The following GRAMD2B variants were observed in gnomAD, a reference collection of about 807,000 sequenced individuals.
GRAMD2B encodes the protein GRAM domain containing 2B, also known as GRAM domain-containing protein 2B.
A neutral mutation model predicts 59.2 loss-of-function variants in GRAMD2B; 41 were observed. The ratio of observed to expected loss-of-function variants is 0.69; its 90% CI spans 0.54 to 0.90. The LOEUF is 0.90. Ranked by LOEUF, GRAMD2B falls within the 40% of genes least tolerant of loss-of-function variation. GRAMD2B has a pLI of 0.00. For synonymous variants in GRAMD2B, 161 were observed against 182.7 expected (o/e 0.88, Z 0.96); for missense variants, 424 against 500.5 (o/e 0.85, Z 1.46).
intron 1 of GRAMD2B, chr5:126,434,082 G>A (rs578229355): frequency 1.3e-5 from 2 of 152,222 alleles, no homozygotes; most frequent in African/African-American, 4.8e-5. Context: ...TTTTTTATCA[G>A]AAACAAGATG....
intron 1 of GRAMD2B, among the ~76,000 whole-genome samples, chr5:126,437,315 G>C (rs1762570901): frequency 6.6e-6 from 1 of 152,218 alleles, no homozygotes. Flanking sequence ...TGACGGAATG[G>C]ATTGACAGAG....
At chr5:126,361,727 A>C (rs980071589) in intron 1 of GRAMD2B, among the ~76,000 whole-genome samples, 2 of 152,132 alleles carry the variant, frequency 1.3e-5, no homozygotes, top group African/African-American at 4.8e-5. Flanking sequence ...ACCTCACGCT[A>C]TAGAGTTTTC....
At chr5:126,412,807 AG>A (rs1758932469) in intron 1 of GRAMD2B, among the ~76,000 whole-genome samples, 1 of 152,082 alleles carries the variant, frequency 6.6e-6, no homozygotes, top group Non-Finnish European at 1.5e-5. Flanking sequence ...TGGTCTATTC[AG>A]GGTTTCAATT....
At chr5:126,400,359 T>C (rs1757715532) in intron 1 of GRAMD2B, among the ~76,000 whole-genome samples, 1 of 152,148 alleles carries the variant, frequency 6.6e-6, no homozygotes, top group Admixed American at 6.6e-5. Context: ...TTCTCACACA[T>C]ACAGTTTATG....
intron 13 of GRAMD2B, among the ~76,000 whole-genome samples, chr5:126,490,926 G>C (rs1366438727): frequency 6.6e-6 from 1 of 152,184 alleles, no homozygotes; most frequent in Non-Finnish European, 1.5e-5. Context: ...TGGTTGACTA[G>C]TTGGCAAATC....
At chr5:126,368,389 A>G (rs944336857), upstream of GRAMD2B, among the ~76,000 whole-genome samples, 8 of 152,362 alleles carry the variant, frequency 5.3e-5, no homozygotes, top group East Asian at 1.5e-3. Context: ...AGCTGTCAGA[A>G]TTCACATTTT....
chr5:126,391,201 C>T (rs140599447), intron 1 of GRAMD2B, among the ~76,000 whole-genome samples: 13 of 151,244 alleles, frequency 8.6e-5, no homozygotes, highest in South Asian at 2.1e-4. Context: ...ATGAGCCAGG[C>T]GTAATGGCAC....
chr5:126,394,562 A>G (rs537140911), intron 1 of GRAMD2B, among the ~76,000 whole-genome samples: 3 of 152,184 alleles, frequency 2.0e-5, no homozygotes, highest in Non-Finnish European at 4.4e-5. Flanking sequence ...TCAATATTCT[A>G]CATTCCATTT....
At position 126,423,666 on chromosome 5, in the gene GRAMD2B, G is replaced by A. The variant is rs766170054; in HGVS notation, c.60G>A (p.Arg20=). 5.0e-6 allele frequency: 8 copies of A among 1,608,776 alleles called. No homozygotes were observed. The East Asian group carries it at 1.6e-4, about 32-fold the overall frequency. ...AGCCTGCGAAAGTGCTCGGGAAGAG[G>A]GAGAGCAAACTTGGCTCAGCCCAGT... The part of the protein sequence containing the change: ...DTKPAKVLGK[R]ESKLGSAHSE... The change falls in exon 1 of 14, where the codon AGG becomes AGA. Residue 20 remains arginine, a synonymous_variant. Transcript: ENST00000285689.
In GRAMD2B at chr5:126,461,939, A is replaced by G. The variant is rs114893646; in HGVS notation, c.84-3487A>G. 6.1e-3 allele frequency among the ~76,000 whole-genome samples: 924 copies of G among 152,352 alleles called. 4 individuals are homozygous for G. The highest frequency in any genetic ancestry group is 9.3e-3 in the Non-Finnish European group (633 of 68,028). On this transcript the variant is annotated intron_variant, in intron 1 of 13. Coordinates refer to ENST00000285689, the MANE Select transcript of GRAMD2B (RefSeq NM_023927.4). The stretch of plus-strand genomic sequence containing the variant: ...GGCAGGGACCATAACTGATGCTTAA[A>G]GTGGGTTGGAGATGGGAGGAGAAAT...
At chr5:126,413,781 A>G (rs1759032737) in intron 1 of GRAMD2B, among the ~76,000 whole-genome samples, 1 of 152,084 alleles carries the variant, frequency 6.6e-6, no homozygotes. Context: ...GGGTGCTCCA[A>G]TGCTGTGTGG....
intron 1 of GRAMD2B, among the ~76,000 whole-genome samples, chr5:126,439,722 A>G (rs1349203719): frequency 1.3e-5 from 2 of 152,226 alleles, no homozygotes; most frequent in African/African-American, 2.4e-5. Flanking sequence ...ATAAAAGTCA[A>G]TGATACGGTT....
intron 5 of GRAMD2B, among the ~76,000 whole-genome samples, chr5:126,473,570 T>C (rs947170593): frequency 3.3e-5 from 5 of 152,158 alleles, no homozygotes; most frequent in Admixed American, 3.3e-4. Flanking sequence ...CTAAACATTA[T>C]TTTCTCACTC....
chr5:126,445,295 C>A (rs1016094583), intron 1 of GRAMD2B, among the ~76,000 whole-genome samples: 2 of 152,190 alleles, frequency 1.3e-5, no homozygotes, highest in Non-Finnish European at 2.9e-5. Context: ...AATAATTGAA[C>A]TAATTTACAC....
chr5:126,482,103 T>A (rs1277039370), intron 8 of GRAMD2B, among the ~76,000 whole-genome samples: 1 of 152,186 alleles, frequency 6.6e-6, no homozygotes, highest in Non-Finnish European at 1.5e-5. Flanking sequence ...ATTCCCTTTA[T>A]ATGAAATATC....
At chr5:126,419,389 T>C (rs1468786598), upstream of GRAMD2B, among the ~76,000 whole-genome samples, 5 of 151,984 alleles carry the variant, frequency 3.3e-5, no homozygotes, top group Non-Finnish European at 1.5e-5. Context: ...CCAGATCTCA[T>C]GAGAACTCTA....
At chr5:126,444,508 T>C (rs1465493546) in intron 1 of GRAMD2B, among the ~76,000 whole-genome samples, 1 of 152,274 alleles carries the variant, frequency 6.6e-6, no homozygotes, top group Non-Finnish European at 1.5e-5. Context: ...TATATGTTTA[T>C]GATTGATCAA....
intron 1 of GRAMD2B, among the ~76,000 whole-genome samples, chr5:126,381,869 C>A (rs1205727119): frequency 6.6e-6 from 1 of 152,004 alleles, no homozygotes; most frequent in Non-Finnish European, 1.5e-5. Context: ...CCTTTAGCTG[C>A]TCTTGTAGTG....
chr5:126,445,165 C>T (rs1763982537), intron 1 of GRAMD2B, among the ~76,000 whole-genome samples: 1 of 152,142 alleles, frequency 6.6e-6, no homozygotes, highest in African/African-American at 2.4e-5. Context: ...CATACTTGTG[C>T]CTGTATCTTT....
Sources: allele counts gnomAD v4.1 joint callset (sites outside exome capture counted in the v4.1 genomes callset), GRCh38; gene constraint gnomAD v4.1.1; transcripts MANE v1.5; gene names NCBI Gene and HGNC (gene_info 2026-07-23, HGNC 2026-07-21).